The following ATP8A2 variants were observed in gnomAD, a reference collection of about 807,000 sequenced individuals.
The protein encoded by ATP8A2 is ATPase phospholipid transporting 8A2.
ATP8A2 carries 100 observed loss-of-function variants against 165.6 expected under a neutral mutation model. The observed-to-expected ratio is 0.60, with a 90% CI of 0.51 to 0.71. The LOEUF is 0.71. ATP8A2 is among the 30% of genes least tolerant of loss of function. The pLI, the probability that ATP8A2 is intolerant of heterozygous loss-of-function variation, is 0.00. For missense variants in ATP8A2, 1,227 were observed against 1,479.5 expected (o/e 0.83, Z 2.80); for synonymous variants, 543 against 548.8 (o/e 0.99, Z 0.15).
intron 27 of ATP8A2, among the ~76,000 whole-genome samples, chr13:25,791,503 A>G (rs748881898): frequency 6.0e-5 from 9 of 150,686 alleles, no homozygotes; most frequent in Non-Finnish European, 1.2e-4. Flanking sequence ...TATGTAACAA[A>G]CCTGCACATG....
At chr13:25,667,325 C>T (rs1164500133) in intron 24 of ATP8A2, among the ~76,000 whole-genome samples, 2 of 152,028 alleles carry the variant, frequency 1.3e-5, no homozygotes, top group Non-Finnish European at 2.9e-5. Flanking sequence ...GAAGTGGAGC[C>T]TACTGGAAGG....
intron 2 of ATP8A2, among the ~76,000 whole-genome samples, chr13:25,491,870 T>G (rs926271826): frequency 2.6e-5 from 4 of 152,236 alleles, no homozygotes; most frequent in African/African-American, 9.6e-5. Flanking sequence ...TTGGTTTTGT[T>G]AAATTTCACT....
chr13:25,559,592 A>G (rs2039081527), intron 14 of ATP8A2, 129 bp from the exon 15 acceptor site: 1 of 734,488 alleles, frequency 1.4e-6, no homozygotes, highest in Admixed American at 2.4e-5. Context: ...TGCAAATATT[A>G]ACTTGGTAAG....
intron 33 of ATP8A2, among the ~76,000 whole-genome samples, chr13:25,890,092 G>A (rs1317969992): frequency 1.3e-5 from 2 of 152,200 alleles, no homozygotes; most frequent in East Asian, 1.9e-4. Flanking sequence ...AACCTGGGAG[G>A]TGGAGGTTGC....
At chr13:25,836,979 A>G (rs1032808490) in intron 28 of ATP8A2, among the ~76,000 whole-genome samples, 184 bp from the exon 29 acceptor site, 3 of 152,210 alleles carry the variant, frequency 2.0e-5, no homozygotes, top group Non-Finnish European at 4.4e-5. Context: ...TTCATTTGAT[A>G]GTGATTAACG....
intron 1 of ATP8A2, among the ~76,000 whole-genome samples, chr13:25,459,463 G>T (rs567488060): frequency 3.9e-5 from 6 of 152,320 alleles, no homozygotes; most frequent in African/African-American, 1.4e-4. Flanking sequence ...GGATGCAGAG[G>T]TGATGAAGAT....
At position 25,967,917 on chromosome 13, in the gene ATP8A2, G is replaced by T. The variant is rs189929115; in HGVS notation, c.3273-658G>T. On this transcript the variant is annotated intron_variant, in intron 34 of 36. Transcript: ENST00000381655. ...GAAGAGTGAGCTGTCCAGGCTGCGG[G>T]TTATTTCATAAGTTGTATTAATGTC... is the stretch of plus-strand genomic sequence containing the variant. Among the ~76,000 whole-genome samples, 463 of 152,252 alleles carry T rather than the reference G, an allele frequency of 3.0e-3. 3 individuals carry two copies. The highest frequency in any genetic ancestry group is 0.011 in the African/African-American group (440 of 41,540).
chr13:25,699,601 C>T (rs2137914039), intron 25 of ATP8A2, among the ~76,000 whole-genome samples: 1 of 152,248 alleles, frequency 6.6e-6, no homozygotes, highest in Admixed American at 6.5e-5. Flanking sequence ...GTCACATTCA[C>T]CATGGGGGAT....
At chr13:25,920,636 T>C (rs1954422903) in intron 33 of ATP8A2, among the ~76,000 whole-genome samples, 1 of 152,210 alleles carries the variant, frequency 6.6e-6, no homozygotes, top group Non-Finnish European at 1.5e-5. Context: ...AACCTCACGG[T>C]CTCTGGCCAG....
At chr13:25,964,864 T>G (rs1410943626) in intron 34 of ATP8A2, among the ~76,000 whole-genome samples, 1 of 152,132 alleles carries the variant, frequency 6.6e-6, no homozygotes, top group Non-Finnish European at 1.5e-5. Flanking sequence ...CACTCTCTTT[T>G]GAAAGGGCTT....
chr13:25,450,749 T>C (rs1326664349), intron 1 of ATP8A2, among the ~76,000 whole-genome samples: 2 of 151,992 alleles, frequency 1.3e-5, no homozygotes, highest in African/African-American at 4.8e-5. Context: ...GCCAGGATGG[T>C]CTCAATCTCC....
chr13:25,439,049 C>T (rs182603671), intron 1 of ATP8A2, among the ~76,000 whole-genome samples: 14 of 152,274 alleles, frequency 9.2e-5, no homozygotes, highest in Admixed American at 2.0e-4. Flanking sequence ...CCAGAGACAT[C>T]GAGCTATTTC....
chr13:25,885,556 G>A (rs1953122054), intron 33 of ATP8A2, among the ~76,000 whole-genome samples: 1 of 152,148 alleles, frequency 6.6e-6, no homozygotes, highest in Admixed American at 6.5e-5. Flanking sequence ...TGCCTGTCCT[G>A]CCCAGCTCAT....
Position 25,412,323 on chromosome 13 carries a change from A to G in ATP8A2, c.76+40035A>G, listed in dbSNP as rs548160100. Reference sequence around the variant, plus strand: ...CCATAAAGCAGTATTCAAGAGTGAGAAATTGCTTATTCTATAAGGTCTACA... The same window carrying G: ...CCATAAAGCAGTATTCAAGAGTGAGGAATTGCTTATTCTATAAGGTCTACA... On this transcript the variant is annotated intron_variant, in intron 1 of 36. Coordinates refer to ENST00000381655, the MANE Select transcript of ATP8A2 (RefSeq NM_016529.6). Among the ~76,000 whole-genome samples the G allele has an allele frequency of 6.6e-5, 10 of 152,288 alleles. No homozygotes were observed. The East Asian group carries it at 1.7e-3, about 27-fold the overall frequency.
chr13:25,707,561 G>A (rs1392899625), intron 25 of ATP8A2, among the ~76,000 whole-genome samples: 1 of 152,202 alleles, frequency 6.6e-6, no homozygotes, highest in Non-Finnish European at 1.5e-5. Flanking sequence ...GTATAAGATT[G>A]AAAATACAGG....
chr13:25,803,331 A>G (rs992772003), intron 27 of ATP8A2, among the ~76,000 whole-genome samples: 1 of 152,220 alleles, frequency 6.6e-6, no homozygotes, highest in African/African-American at 2.4e-5. Flanking sequence ...AAACGAGTTT[A>G]ATATAAACTC....
Position 26,020,808 on chromosome 13 carries a change from C to T in ATP8A2, c.*823C>T, listed in dbSNP as rs1194339665. 2.6e-5 allele frequency: 4 copies of T among 152,294 alleles called. No individual in the cohort carries two copies. The highest frequency in any genetic ancestry group is 1.9e-4 in the East Asian group (1 of 5,192). The allele number at this position is 152,294 out of a possible 1,614,324, so 9.4% of individuals were successfully genotyped here. On this transcript the variant is annotated 3_prime_UTR_variant, in exon 37 of 37. Transcript: ENST00000381655. ...AGATGCGAAAAATTCCTTCTTCCAC[C>T]GCCCTTCTCGTTCTGTAAAGAAAGA...
At chr13:25,945,731 A>G (rs1200873729) in intron 33 of ATP8A2, among the ~76,000 whole-genome samples, 1 of 152,216 alleles carries the variant, frequency 6.6e-6, no homozygotes, top group African/African-American at 2.4e-5. Context: ...AAAATGTCTC[A>G]TCAAGGGGTC....
chr13:25,940,268 G>A (rs1955036075), intron 33 of ATP8A2, among the ~76,000 whole-genome samples: 1 of 152,114 alleles, frequency 6.6e-6, no homozygotes, highest in Admixed American at 6.5e-5. Context: ...CACCCTGGAA[G>A]CCTCTTCCCA....
Sources: gnomAD v4.1 joint callset for allele counts (sites outside exome capture counted in the v4.1 genomes callset) on GRCh38, gnomAD v4.1.1 for gene constraint, MANE v1.5 for transcripts, NCBI Gene and HGNC (gene_info 2026-07-23, HGNC 2026-07-21) for gene names.